Variants in LARP1B observed in about 807,000 individuals in gnomAD.
LARP1B encodes La ribonucleoprotein 1B.
In LARP1B, 76 loss-of-function variants were observed where a neutral mutation model predicts 114.2. The ratio of observed to expected loss-of-function variants is 0.67; its 90% CI spans 0.55 to 0.81. LARP1B has a LOEUF of 0.81. Ranked by LOEUF, LARP1B falls within the 30% of genes least tolerant of loss-of-function variation. LARP1B has a pLI of 0.00. For missense variants in LARP1B, 1,014 were observed against 1,075.8 expected, an observed-to-expected ratio of 0.94 and a Z score of 0.80; for synonymous variants, 345 against 348.0, an observed-to-expected ratio of 0.99 and a Z score of 0.10.
At chr4:128,216,471 G>C (rs559066474), downstream of LARP1B, among the ~76,000 whole-genome samples, 16 of 133,014 alleles carry the variant, frequency 1.2e-4, no homozygotes, top group East Asian at 4.1e-4. Flanking sequence ...AATCAAACTA[G>C]AACTCAGGAT....
At chr4:128,106,777 A>T (rs1369333016) in intron 8 of LARP1B, among the ~76,000 whole-genome samples, 2 of 152,218 alleles carry the variant, frequency 1.3e-5, no homozygotes, top group African/African-American at 4.8e-5. Context: ...GGTAATTATT[A>T]CAATAATAAA....
At chr4:128,106,434 T>C (rs1019682864) in intron 8 of LARP1B, among the ~76,000 whole-genome samples, 6 of 152,226 alleles carry the variant, frequency 3.9e-5, no homozygotes, top group Non-Finnish European at 2.9e-5. Context: ...ATTTTGTATT[T>C]ATCCTAATTT....
At chr4:128,213,779 A>G (rs555995317), downstream of LARP1B, among the ~76,000 whole-genome samples, 63 of 152,316 alleles carry the variant, frequency 4.1e-4, no homozygotes, top group South Asian at 1.9e-3. Flanking sequence ...TCTATATAAA[A>G]GGAATTAGTG....
downstream of LARP1B, among the ~76,000 whole-genome samples, chr4:128,214,550 C>A (rs1272242755): frequency 8.6e-5 from 13 of 151,796 alleles, no homozygotes; most frequent in African/African-American, 2.9e-4. Flanking sequence ...CCTCACACGG[C>A]AGGGTATTCC....
intron 11 of LARP1B, among the ~76,000 whole-genome samples, chr4:128,139,654 T>TCA (rs145939804): frequency 0.072 from 10,737 of 149,922 alleles, 561 homozygotes; most frequent in Non-Finnish European, 0.1. Flanking sequence ...AGTGAGACTG[T>TCA]CACACACACA....
At chr4:128,106,585 T>A (rs1490922383) in intron 8 of LARP1B, among the ~76,000 whole-genome samples, 1 of 151,782 alleles carries the variant, frequency 6.6e-6, no homozygotes, top group South Asian at 2.1e-4. Flanking sequence ...TGGCTAAGAC[T>A]TTTAGTTGTA....
At chr4:128,108,421 C>T in intron 9 of LARP1B, 2 of 986,118 alleles carry the variant, frequency 2.0e-6, no homozygotes, top group Non-Finnish European at 2.4e-6. Context: ...AATGTGGTCA[C>T]TTAAGGGGTA....
intron 5 of LARP1B, among the ~76,000 whole-genome samples, chr4:128,087,783 G>GT: frequency 6.6e-6 from 1 of 152,118 alleles, no homozygotes; most frequent in East Asian, 1.9e-4. Context: ...GGAGGTTGAG[G>GT]CAGGAGGATT....
At chr4:128,067,386 C>T (rs1180152022) in intron 1 of LARP1B, among the ~76,000 whole-genome samples, 1 of 152,086 alleles carries the variant, frequency 6.6e-6, no homozygotes, top group Non-Finnish European at 1.5e-5. Context: ...AGAATTTTGC[C>T]AGGAAGTTTA....
At chr4:128,093,895 G>C (rs1031858924) in intron 7 of LARP1B, among the ~76,000 whole-genome samples, 2 of 151,736 alleles carry the variant, frequency 1.3e-5, no homozygotes, top group Non-Finnish European at 2.9e-5. Flanking sequence ...AGTTTTAGTA[G>C]AGACGGGGTT....
intron 9 of LARP1B, among the ~76,000 whole-genome samples, chr4:128,112,754 A>T (rs1784558007): frequency 6.6e-6 from 1 of 152,086 alleles, no homozygotes; most frequent in African/African-American, 2.4e-5. Flanking sequence ...GATTACAGGC[A>T]TGAGCCACCA....
downstream of LARP1B, among the ~76,000 whole-genome samples, chr4:128,213,685 A>G (rs980586893): frequency 2.0e-5 from 3 of 152,180 alleles, no homozygotes; most frequent in Non-Finnish European, 2.9e-5. Context: ...ACAATTTTCA[A>G]TATCAAAAAA....
chr4:128,063,153 G>A lies in LARP1B; in HGVS notation c.-78+1752G>A, dbSNP rs1760944583. 2.6e-5 allele frequency among the ~76,000 whole-genome samples: 4 copies of A among 152,122 alleles called. No homozygotes were observed. In the South Asian group the frequency reaches 8.3e-4, roughly 32 times the overall value. Reference sequence around the variant, plus strand: ...CTTAAGAAAGTAAAAATGGGCCGGCGCGGTGGCTCACGCCTGTAATCCCAG... The same window carrying A: ...CTTAAGAAAGTAAAAATGGGCCGGCACGGTGGCTCACGCCTGTAATCCCAG... On this transcript the variant is annotated intron_variant, in intron 1 of 19. Transcript: ENST00000326639.
intron 8 of LARP1B, among the ~76,000 whole-genome samples, chr4:128,098,860 A>G (rs1462049167): frequency 5.7e-5 from 8 of 141,364 alleles, no homozygotes; most frequent in African/African-American, 2.1e-4. Flanking sequence ...TCACCACAAC[A>G]TCTGCCTCTT....
chr4:128,110,806 T>TA (rs1421650253), intron 9 of LARP1B, among the ~76,000 whole-genome samples: 9 of 151,984 alleles, frequency 5.9e-5, no homozygotes, highest in Non-Finnish European at 1.3e-4. Context: ...TCTTTAGTGT[T>TA]TTAATGTCAT....
At chr4:128,149,137 A>G (rs999476769) in intron 11 of LARP1B, among the ~76,000 whole-genome samples, 5 of 152,194 alleles carry the variant, frequency 3.3e-5, no homozygotes, top group Admixed American at 2.0e-4. Context: ...GCATACATTC[A>G]TTGAGTAGAA....
At chr4:128,111,686 GTC>G (rs1784159614) in intron 9 of LARP1B, among the ~76,000 whole-genome samples, 12 of 92,116 alleles carry the variant, frequency 1.3e-4, no homozygotes, top group African/African-American at 3.2e-4. Flanking sequence ...AAGGGGCCCT[GTC>G]TCTTTTTTTT....
At chr4:128,096,850 T>C (rs530290270) in intron 7 of LARP1B, among the ~76,000 whole-genome samples, 1 of 152,292 alleles carries the variant, frequency 6.6e-6, no homozygotes, top group Admixed American at 6.5e-5. Flanking sequence ...TCTGCCCGCC[T>C]CAGCCTCCCA....
At chr4:128,093,882 T>C (rs1776811918) in intron 7 of LARP1B, among the ~76,000 whole-genome samples, 1 of 151,814 alleles carries the variant, frequency 6.6e-6, no homozygotes, top group South Asian at 2.1e-4. Flanking sequence ...AGCTAATTTT[T>C]GTAGTTTTAG....
Sources: gnomAD v4.1 joint callset for allele counts (sites outside exome capture counted in the v4.1 genomes callset) on GRCh38, gnomAD v4.1.1 for gene constraint, MANE v1.5 for transcripts, NCBI Gene and HGNC (gene_info 2026-07-23, HGNC 2026-07-21) for gene names.